The following NUP35 variants were observed in gnomAD, a reference collection of about 807,000 sequenced individuals.
NUP35 encodes the protein nucleoporin 35.
A neutral mutation model predicts 41.5 loss-of-function variants in NUP35; 25 were observed. The observed-to-expected ratio is 0.60, with a 90% CI of 0.44 to 0.84. The LOEUF (loss-of-function observed/expected upper bound fraction) is 0.84. Among genes scored for constraint, NUP35 ranks in the 40% least tolerant of loss-of-function variants. NUP35 has a pLI of 0.00. For synonymous variants in NUP35, 149 were observed against 130.7 expected (o/e 1.14, Z -0.96); for missense variants, 396 against 396.6 (o/e 1.00, Z 0.01).
intron 1 of NUP35, 45 bp downstream of exon 1, chr2:183,124,542 T>C (rs921693745): frequency 3.1e-6 from 5 of 1,611,354 alleles, no homozygotes; most frequent in South Asian, 1.1e-5. Flanking sequence ...CCATCCATGC[T>C]CTGGGCCTGG....
intron 1 of NUP35, among the ~76,000 whole-genome samples, chr2:183,125,960 C>T (rs1684454970): frequency 6.6e-6 from 1 of 152,176 alleles, no homozygotes; most frequent in Non-Finnish European, 1.5e-5. Flanking sequence ...TGGTTGGTGA[C>T]AGTCCTGATT....
chr2:183,127,614 C>G (rs1374870593), intron 1 of NUP35, among the ~76,000 whole-genome samples: 1 of 152,138 alleles, frequency 6.6e-6, no homozygotes, highest in African/African-American at 2.4e-5. Flanking sequence ...ATTTAGCAAG[C>G]TTAACCCATT....
intron 1 of NUP35, among the ~76,000 whole-genome samples, chr2:183,127,549 G>T (rs535562354): frequency 1.3e-4 from 20 of 152,248 alleles, no homozygotes; most frequent in African/African-American, 4.8e-4. Flanking sequence ...ATATATGCAT[G>T]GTTACGGTTT....
intron 3 of NUP35, among the ~76,000 whole-genome samples, chr2:183,131,786 A>C (rs1684703919): frequency 6.6e-6 from 1 of 152,224 alleles, no homozygotes. Context: ...GCTAAATATT[A>C]CTAAATTTCA....
intron 3 of NUP35, 98 bp from the exon 4 acceptor site, chr2:183,133,468 C>T: frequency 1.1e-6 from 1 of 921,982 alleles, no homozygotes; most frequent in East Asian, 2.7e-5. Context: ...ATCTCTAGCA[C>T]ATGATAAAAA....
At chr2:183,124,894 C>T (rs1684386234) in intron 1 of NUP35, among the ~76,000 whole-genome samples, 1 of 152,194 alleles carries the variant, frequency 6.6e-6, no homozygotes, top group African/African-American at 2.4e-5. Flanking sequence ...CCGCGGTACA[C>T]GTGGGTGGGC....
intron 4 of NUP35, among the ~76,000 whole-genome samples, chr2:183,143,282 A>AT (rs74268918): frequency 4.8e-4 from 50 of 105,088 alleles, no homozygotes; most frequent in Admixed American, 1.1e-3. Context: ...AGTTCTTGGT[A>AT]TTTTTTTTTT....
rs549531589 is a variant in NUP35 at position 183,154,116 on chromosome 2, C to T, written c.539+2467C>T. On this transcript the variant is annotated intron_variant, in intron 5 of 8. Coordinates refer to ENST00000295119, the MANE Select transcript of NUP35 (RefSeq NM_138285.5). ...GGCTGGGATACAGGGCACCAAGTCC[C>T]TAGGCTGCACACAGCACAGGGACCC... Among the ~76,000 whole-genome samples, 1,356 of 152,278 alleles carry T rather than the reference C, an allele frequency of 8.9e-3. 19 individuals are homozygous for T. The highest frequency in any genetic ancestry group is 0.031 in the African/African-American group (1,281 of 41,556).
chr2:183,141,092 G>T (rs1369120880), intron 4 of NUP35, among the ~76,000 whole-genome samples: 1 of 151,692 alleles, frequency 6.6e-6, no homozygotes, highest in Non-Finnish European at 1.5e-5. Flanking sequence ...ATTACCTCTG[G>T]AGATTCTATG....
At chr2:183,132,390 C>T (rs1193686869) in intron 3 of NUP35, among the ~76,000 whole-genome samples, 1 of 144,066 alleles carries the variant, frequency 6.9e-6, no homozygotes, top group East Asian at 2.0e-4. Context: ...CTTGTCTCTA[C>T]TGAAAATACA....
intron 3 of NUP35, among the ~76,000 whole-genome samples, chr2:183,133,323 CTTTT>C (rs33994337): frequency 2.8e-5 from 4 of 141,868 alleles, no homozygotes; most frequent in Non-Finnish European, 4.6e-5. Context: ...AGAAGATAGT[CTTTT>C]TTTTTTTTTT....
At position 183,151,495 on chromosome 2, in the gene NUP35, T is replaced by C; in HGVS notation, c.398-13T>C. ...TTACACTGGCAACTAACTTGCTAAA[T>C]ATACTAATATAGGGCAAAGTATGTT... On this transcript the variant is annotated splice_polypyrimidine_tract_variant and intron_variant, in intron 4 of 8. Transcript: ENST00000295119. The C allele has an allele frequency of 6.2e-7, 1 of 1,609,932 alleles. No individual in the cohort carries two copies.
intron 4 of NUP35, among the ~76,000 whole-genome samples, chr2:183,146,552 A>G (rs905427680): frequency 2.0e-5 from 3 of 152,048 alleles, no homozygotes; most frequent in African/African-American, 7.2e-5. Flanking sequence ...CCAACAGCAT[A>G]TAAGGGTTCC....
intron 3 of NUP35, chr2:183,131,060 G>A (rs937426621): frequency 1.2e-5 from 6 of 480,008 alleles, no homozygotes; most frequent in African/African-American, 1.2e-4. Context: ...TAACTCTGCA[G>A]CCTTGAACTC....
At chr2:183,134,055 G>A (rs895849500) in intron 4 of NUP35, among the ~76,000 whole-genome samples, 11 of 152,220 alleles carry the variant, frequency 7.2e-5, no homozygotes, top group Non-Finnish European at 1.5e-4. Flanking sequence ...GGTGTTTTGA[G>A]AGATGTTAAT....
At chr2:183,156,174 A>G (rs1044875160) in intron 5 of NUP35, among the ~76,000 whole-genome samples, 1 of 152,056 alleles carries the variant, frequency 6.6e-6, no homozygotes, top group African/African-American at 2.4e-5. Flanking sequence ...TACTTCCCTC[A>G]CTTGCAGCCA....
At chr2:183,155,954 A>G (rs1685650087) in intron 5 of NUP35, among the ~76,000 whole-genome samples, 1 of 152,154 alleles carries the variant, frequency 6.6e-6, no homozygotes, top group Non-Finnish European at 1.5e-5. Flanking sequence ...TTCTCCTTTA[A>G]GGGATAAAGT....
intron 4 of NUP35, among the ~76,000 whole-genome samples, chr2:183,143,177 A>T (rs1685162058): frequency 6.7e-6 from 1 of 150,186 alleles, no homozygotes; most frequent in Admixed American, 6.6e-5. Context: ...AAAAGAAAAG[A>T]AATACAGCAT....
chr2:183,136,063 CG>C (rs1553530374), intron 4 of NUP35, among the ~76,000 whole-genome samples: 1 of 152,104 alleles, frequency 6.6e-6, no homozygotes, highest in Non-Finnish European at 1.5e-5. Context: ...ACTCATTGGC[CG>C]TGTCTTTAAA....
Sources: gnomAD v4.1 joint callset for allele counts (sites outside exome capture counted in the v4.1 genomes callset) on GRCh38, gnomAD v4.1.1 for gene constraint, MANE v1.5 for transcripts, NCBI Gene and HGNC (gene_info 2026-07-23, HGNC 2026-07-21) for gene names.